The following CMTR1 variants were observed in gnomAD, a reference collection of about 807,000 sequenced individuals.
CMTR1 encodes cap-specific mRNA (nucleoside-2'-O-)-methyltransferase 1.
Under a neutral mutation model 107.0 loss-of-function variants are expected in CMTR1, and 39 were observed. The observed-to-expected ratio is 0.36, with a 90% CI of 0.28 to 0.48. The LOEUF (loss-of-function observed/expected upper bound fraction) is 0.48. Among genes scored for constraint, CMTR1 ranks in the 20% least tolerant of loss-of-function variants. The pLI is 0.99. For missense variants in CMTR1, 672 were observed against 1,064.9 expected (o/e 0.63, Z 5.14); for synonymous variants, 366 against 379.5 (o/e 0.96, Z 0.41).
intron 2 of CMTR1, among the ~76,000 whole-genome samples, chr6:37,441,503 C>T (rs1169346144): frequency 6.6e-6 from 1 of 152,018 alleles, no homozygotes; most frequent in Non-Finnish European, 1.5e-5. Context: ...CAATCTCCAC[C>T]TCCTGGGTTC....
chr6:37,429,548 G>C (rs998553260), upstream of CMTR1, among the ~76,000 whole-genome samples: 4 of 152,180 alleles, frequency 2.6e-5, no homozygotes, highest in Non-Finnish European at 4.4e-5. Flanking sequence ...ATAGAAAAAG[G>C]AAGTGACATA....
Position 37,478,502 on chromosome 6 carries a change from C to T in CMTR1, c.2247C>T (p.Tyr749=), listed in dbSNP as rs1761786685. The part of the protein sequence containing the change: ...DDRHFVPMGL[Y]IVRTVNEPWT... ...GGCACTTTGTACCCATGGGCCTCTA[C>T]ATCGTCAGGACAGTGAATGGTGGGT... Residue 749 remains tyrosine (Y), a synonymous_variant, in exon 22 of 24, where the codon TAC becomes TAT. Coordinates refer to ENST00000373451, the MANE Select transcript of CMTR1 (RefSeq NM_015050.3). 1.2e-6 allele frequency: 2 copies of T among 1,613,790 alleles called. No individual in the cohort carries two copies. The highest frequency in any genetic ancestry group is 1.7e-6 in the Non-Finnish European group (2 of 1,179,704).
In CMTR1 at chr6:37,480,169, G is replaced by C. The variant is rs1323275097; in HGVS notation, c.*24G>C. ...AAGAGCCTCAGAATGTGCCACCCCT[G>C]CAGAATGCCCTGTCATTCCTGAGAT... On this transcript the variant is annotated 3_prime_UTR_variant, in exon 24 of 24. Transcript: ENST00000373451. 6.3e-7 allele frequency: 1 copy of C among 1,595,248 alleles called. No individual in the cohort carries two copies. Among genetic ancestry groups the C allele is most frequent in the African/African-American group, 1.4e-5 (1 of 73,682 alleles).
At chr6:37,470,899 C>G in intron 13 of CMTR1, 122 bp from the exon 14 acceptor site, 2 of 705,040 alleles carry the variant, frequency 2.8e-6, no homozygotes, top group Non-Finnish European at 4.5e-6. Flanking sequence ...GTTTCTTTCT[C>G]AACTCTCCAG....
chr6:37,455,963 T>C (rs1441886681), intron 8 of CMTR1, among the ~76,000 whole-genome samples: 2 of 152,240 alleles, frequency 1.3e-5, no homozygotes, highest in African/African-American at 4.8e-5. Context: ...AGTCAGTAAG[T>C]AGCAGAGCTA....
At chr6:37,444,187 C>T (rs1409607234) in intron 3 of CMTR1, 37 bp downstream of exon 3, 8 of 1,595,084 alleles carry the variant, frequency 5.0e-6, no homozygotes, top group Non-Finnish European at 6.8e-6. Context: ...TCAAGCCCCA[C>T]CAGCAGAGTG....
chr6:37,424,933 T>C, the CMTR1 span, among the ~76,000 whole-genome samples: 1 of 150,420 alleles, frequency 6.6e-6, no homozygotes, highest in Non-Finnish European at 1.5e-5. Context: ...AATGTCTTAA[T>C]TTTTCCCTCA....
intron 15 of CMTR1, 86 bp downstream of exon 15, chr6:37,471,990 G>A: frequency 8.1e-7 from 1 of 1,241,570 alleles, no homozygotes; most frequent in South Asian, 1.3e-5. Context: ...GTCACCTTAG[G>A]GTGTCTCTGC....
chr6:37,439,108 A>G (rs1469276917), intron 2 of CMTR1, among the ~76,000 whole-genome samples: 1 of 152,204 alleles, frequency 6.6e-6, no homozygotes, highest in East Asian at 1.9e-4. Context: ...TTTATTTTAC[A>G]TTATTCACAT....
chr6:37,478,935 T>C (rs1355561891), intron 22 of CMTR1, among the ~76,000 whole-genome samples: 1 of 152,142 alleles, frequency 6.6e-6, no homozygotes, highest in Non-Finnish European at 1.5e-5. Context: ...TTGGCAGGAC[T>C]GGGGTGGGGT....
chr6:37,456,549 T>C (rs1761299827), intron 8 of CMTR1, among the ~76,000 whole-genome samples: 1 of 152,202 alleles, frequency 6.6e-6, no homozygotes, highest in East Asian at 1.9e-4. Context: ...GTTGTAAACA[T>C]TAGTATGTCT....
chr6:37,428,550 C>T (rs936250172), upstream of CMTR1, among the ~76,000 whole-genome samples: 6 of 152,128 alleles, frequency 3.9e-5, no homozygotes, highest in East Asian at 9.6e-4. Flanking sequence ...CTCCACCTCC[C>T]GGATTCAAGC....
chr6:37,452,940 T>C (rs1581736909), intron 6 of CMTR1, 107 bp from the exon 7 acceptor site: 2 of 923,626 alleles, frequency 2.2e-6, no homozygotes, highest in African/African-American at 1.6e-5. Flanking sequence ...AGAGCTGAGA[T>C]GCCACAGGAA....
chr6:37,438,139 G>C (rs902870452), intron 2 of CMTR1, among the ~76,000 whole-genome samples: 1 of 152,056 alleles, frequency 6.6e-6, no homozygotes. Context: ...TAATACTTTC[G>C]GAGGTCAAGG....
intron 4 of CMTR1, among the ~76,000 whole-genome samples, chr6:37,446,658 T>C (rs1771803785): frequency 6.6e-6 from 1 of 152,236 alleles, no homozygotes; most frequent in South Asian, 2.1e-4. Context: ...TGTTGCATTA[T>C]AGGACTGTCT....
chr6:37,430,141 C>T (rs1391346), upstream of CMTR1, among the ~76,000 whole-genome samples: 2,909 of 152,056 alleles, frequency 0.019, 87 homozygotes, highest in African/African-American at 0.066. Context: ...TGGGAGAAAA[C>T]GAAGGGGAAA....
At chr6:37,450,498 T>C (rs1048342364) in intron 5 of CMTR1, among the ~76,000 whole-genome samples, 155 bp downstream of exon 5, 1 of 152,214 alleles carries the variant, frequency 6.6e-6, no homozygotes, top group Non-Finnish European at 1.5e-5. Context: ...GGGAGTGTCA[T>C]GAGCTTTACA....
At chr6:37,444,876 A>T (rs1189508171) in intron 3 of CMTR1, among the ~76,000 whole-genome samples, 1 of 152,008 alleles carries the variant, frequency 6.6e-6, no homozygotes, top group East Asian at 1.9e-4. Flanking sequence ...AATACAAAAA[A>T]TTATCCAGGC....
intron 8 of CMTR1, among the ~76,000 whole-genome samples, chr6:37,454,803 G>A (rs188354750): frequency 1.3e-5 from 2 of 152,244 alleles, no homozygotes; most frequent in Non-Finnish European, 2.9e-5. Context: ...GATTTCTCTC[G>A]AGCCCCTGGT....
Sources: allele counts gnomAD v4.1 joint callset (sites outside exome capture counted in the v4.1 genomes callset), GRCh38; gene constraint gnomAD v4.1.1; transcripts MANE v1.5; gene names NCBI Gene and HGNC (gene_info 2026-07-23, HGNC 2026-07-21).